TMEM33: variants seen among roughly 807,000 people sequenced by gnomAD.
TMEM33 encodes the protein transmembrane protein 33.
TMEM33 carries 16 observed loss-of-function variants against 29.7 expected under a neutral mutation model. The observed-to-expected ratio is 0.54, with a 90% CI of 0.36 to 0.82. The LOEUF (loss-of-function observed/expected upper bound fraction) is 0.82. TMEM33 is among the 40% of genes least tolerant of loss of function. The pLI, the probability that TMEM33 is intolerant of heterozygous loss-of-function variation, is 0.00. For missense variants in TMEM33, 252 were observed against 295.3 expected (o/e 0.85, Z 1.08); for synonymous variants, 112 against 109.4 (o/e 1.02, Z -0.15).
chr4:41,954,222 A>C lies in TMEM33; in HGVS notation c.*23A>C, dbSNP rs1025238065. 1 of 1,612,524 alleles carries C rather than the reference A, an allele frequency of 6.2e-7. No individual in the cohort carries two copies. The highest frequency in any genetic ancestry group is 1.3e-5 in the African/African-American group (1 of 74,964). On this transcript the variant is annotated 3_prime_UTR_variant, in exon 7 of 7. Coordinates refer to ENST00000504986, the MANE Select transcript of TMEM33 (RefSeq NM_018126.3). ...TAGTTTAACATCTAGTTAAGCTACA[A>C]ATATAGTATAAGCATTATTAGCAGC...
At chr4:41,952,446 C>T (rs1289868966) in intron 6 of TMEM33, among the ~76,000 whole-genome samples, 1 of 152,092 alleles carries the variant, frequency 6.6e-6, no homozygotes, top group East Asian at 1.9e-4. Flanking sequence ...TAAAATTACC[C>T]TTGATGATCC....
intron 6 of TMEM33, among the ~76,000 whole-genome samples, chr4:41,951,637 G>A (rs1012099657): frequency 2.6e-5 from 4 of 152,204 alleles, no homozygotes; most frequent in Admixed American, 2.0e-4. Flanking sequence ...TCTTCTTTCA[G>A]AGGTACTCAC....
intron 6 of TMEM33, among the ~76,000 whole-genome samples, chr4:41,951,198 C>T (rs1387896959): frequency 6.6e-6 from 1 of 152,046 alleles, no homozygotes; most frequent in Non-Finnish European, 1.5e-5. Flanking sequence ...CTGTGCTGTC[C>T]AGTACAGCAC....
intron 5 of TMEM33, 121 bp from the exon 6 acceptor site, chr4:41,949,181 T>G (rs1234035222): frequency 1.8e-6 from 1 of 570,360 alleles, no homozygotes; most frequent in Non-Finnish European, 3.0e-6. Context: ...ATGATAGATT[T>G]CACTATGACC....
chr4:41,941,615 C>G (rs940833006), intron 3 of TMEM33, among the ~76,000 whole-genome samples: 9 of 152,106 alleles, frequency 5.9e-5, no homozygotes, highest in Non-Finnish European at 1.2e-4. Context: ...TTGGTAGCCC[C>G]TCTTTCCTGG....
rs1479098246 is a variant in TMEM33, at chr4:41,935,471, T to C, written c.-14T>C. ...TTCGCGGTTGCGGCGTCGCAGACGC[T>C]AGTGTGAGCCCCCATGGCAGATACG... On this transcript the variant is annotated 5_prime_UTR_variant, in exon 1 of 7. Coordinates refer to ENST00000504986, the MANE Select transcript of TMEM33 (RefSeq NM_018126.3). 1.2e-6 allele frequency: 2 copies of C among 1,606,474 alleles called. No individual in the cohort carries two copies. Among genetic ancestry groups the C allele is most frequent in the South Asian group, 1.1e-5 (1 of 89,646 alleles).
chr4:41,943,660 C>G, intron 3 of TMEM33, 87 bp from the exon 4 acceptor site: 1 of 1,177,864 alleles, frequency 8.5e-7, no homozygotes. Context: ...GCAGATGTTT[C>G]ACATCTGTAT....
At chr4:41,948,283 A>AT (rs1465223303) in intron 5 of TMEM33, among the ~76,000 whole-genome samples, 1 of 152,190 alleles carries the variant, frequency 6.6e-6, no homozygotes, top group Non-Finnish European at 1.5e-5. Context: ...AGATTGTGGT[A>AT]TAAGTTTGAG....
At position 41,954,092 on chromosome 4, in the gene TMEM33, ATTG is replaced by A. The variant is rs768678957; in HGVS notation, c.644_646del (p.Val215del). 3.1e-6 allele frequency: 5 copies of A among 1,613,924 alleles called. No homozygotes were observed. Among genetic ancestry groups the A allele is most frequent in the Non-Finnish European group, 4.2e-6 (5 of 1,179,826 alleles). Reference sequence around the variant, plus strand: ...CAGGACCTTATTTAATGAACTGAGGATTGTTGTTGAACACATAATAATGAAACC... The same window carrying A: ...CAGGACCTTATTTAATGAACTGAGGATTGTTGAACACATAATAATGAAACC... On this transcript the variant is annotated inframe_deletion, in exon 7 of 7. Transcript: ENST00000504986.
At chr4:41,947,221 C>A (rs1712835564) in intron 5 of TMEM33, among the ~76,000 whole-genome samples, 1 of 147,662 alleles carries the variant, frequency 6.8e-6, no homozygotes, top group African/African-American at 2.5e-5. Flanking sequence ...GGCGACAGAC[C>A]AAGACTCCCT....
intron 6 of TMEM33, chr4:41,953,828 T>C (rs1287828762): frequency 1.9e-6 from 1 of 522,114 alleles, no homozygotes; most frequent in Admixed American, 2.2e-5. Context: ...AGATCACAGA[T>C]CACCATAATA....
intron 2 of TMEM33, 127 bp from the exon 3 acceptor site, chr4:41,939,069 G>A: frequency 1.2e-6 from 1 of 830,872 alleles, no homozygotes; most frequent in Non-Finnish European, 1.8e-6. Flanking sequence ...GGTAGAATAA[G>A]TTCATGTAAT....
intron 5 of TMEM33, among the ~76,000 whole-genome samples, chr4:41,947,652 A>G (rs1255338742): frequency 6.6e-6 from 1 of 152,238 alleles, no homozygotes; most frequent in Non-Finnish European, 1.5e-5. Flanking sequence ...AATTCCTATT[A>G]GGAAAAGCTG....
chr4:41,938,798 G>A (rs1712376433), intron 2 of TMEM33, 102 bp downstream of exon 2: 8 of 1,067,076 alleles, frequency 7.5e-6, no homozygotes, highest in Admixed American at 3.9e-5. Flanking sequence ...AAGGGTTTAG[G>A]GACAAATAAA....
At chr4:41,953,218 AT>A (rs1374860167) in intron 6 of TMEM33, among the ~76,000 whole-genome samples, 5 of 152,144 alleles carry the variant, frequency 3.3e-5, no homozygotes, top group Admixed American at 3.3e-4. Context: ...GCTATGGTAG[AT>A]TCCTTCATGA....
At chr4:41,942,680 A>G (rs1712595766) in intron 3 of TMEM33, among the ~76,000 whole-genome samples, 1 of 152,078 alleles carries the variant, frequency 6.6e-6, no homozygotes, top group Non-Finnish European at 1.5e-5. Context: ...CCTGGCAGAA[A>G]TTGGGGTGGA....
At chr4:41,935,213 C>T (rs1163464416), upstream of TMEM33, 8 of 569,098 alleles carry the variant, frequency 1.4e-5, no homozygotes, top group African/African-American at 5.7e-5. Flanking sequence ...GCTCCACCTT[C>T]GCTCCCGTCT....
Position 41,960,095 on chromosome 4 carries a change from TCTC to T in TMEM33, c.*5899_*5901del, listed in dbSNP as rs777290688. ...GTAGGGCTCAGAGGGGAAATACAGT[TCTC>T]CTGCATATTTGAGAAAATGTGAAGT... On this transcript the variant is annotated 3_prime_UTR_variant, in exon 7 of 7. Transcript: ENST00000504986. 1.1e-4 allele frequency: 17 copies of T among 152,154 alleles called. No individual in the cohort carries two copies. The highest frequency in any genetic ancestry group is 2.1e-4 in the Non-Finnish European group (14 of 68,010). 9.4% of individuals were successfully genotyped at this position (152,154 alleles called of 1,614,324 possible).
At chr4:41,946,133 A>G (rs1303989402) in intron 5 of TMEM33, among the ~76,000 whole-genome samples, 1 of 143,256 alleles carries the variant, frequency 7.0e-6, no homozygotes, top group Non-Finnish European at 1.5e-5. Context: ...ATCATGGAAT[A>G]TGTTTCCAAA....
Sources: allele counts gnomAD v4.1 joint callset (sites outside exome capture counted in the v4.1 genomes callset), GRCh38; gene constraint gnomAD v4.1.1; transcripts MANE v1.5; gene names NCBI Gene and HGNC (gene_info 2026-07-23, HGNC 2026-07-21).